Variants in STPG2 observed in about 807,000 individuals in gnomAD.
The protein encoded by STPG2 is sperm tail PG-rich repeat containing 2, also known as sperm-tail PG-rich repeat-containing protein 2.
A neutral mutation model predicts 54.2 loss-of-function variants in STPG2; 56 were observed. That is an observed-to-expected ratio of 1.03 (90% CI 0.83 to 1.29). STPG2 has a LOEUF of 1.29. STPG2 is among the 50% of genes most tolerant of loss of function. STPG2 has a pLI of 0.00. For synonymous variants in STPG2, 200 were observed against 181.8 expected (o/e 1.10, Z -0.81); for missense variants, 596 against 544.9 (o/e 1.09, Z -0.93).
intron 9 of STPG2, among the ~76,000 whole-genome samples, chr4:97,782,081 G>C (rs1726646320): frequency 6.6e-6 from 1 of 152,140 alleles, no homozygotes. Context: ...GTTCTGGCCA[G>C]GGCAATCAGG....
intron 5 of STPG2, among the ~76,000 whole-genome samples, chr4:97,984,074 C>A (rs1011364560): frequency 1.4e-5 from 2 of 147,486 alleles, no homozygotes; most frequent in African/African-American, 5.0e-5. Flanking sequence ...TTGTGATATT[C>A]TAAGATAGTT....
chr4:97,649,827 G>A (rs983695695), intron 10 of STPG2, among the ~76,000 whole-genome samples: 1 of 152,096 alleles, frequency 6.6e-6, no homozygotes, highest in African/African-American at 2.4e-5. Context: ...GACCAGGGGG[G>A]ACGGCATGGT....
intron 9 of STPG2, among the ~76,000 whole-genome samples, chr4:97,746,722 G>A (rs1725429737): frequency 6.6e-6 from 1 of 151,242 alleles, no homozygotes; most frequent in South Asian, 2.1e-4. Flanking sequence ...CACTGTTGCT[G>A]TTAAATAACT....
intron 4 of STPG2, among the ~76,000 whole-genome samples, chr4:97,453,402 A>C (rs528139883): frequency 6.6e-6 from 1 of 152,326 alleles, no homozygotes; most frequent in Admixed American, 6.5e-5. Flanking sequence ...CATGGGATCC[A>C]GGCCAGTAGA....
intron 10 of STPG2, among the ~76,000 whole-genome samples, chr4:97,659,784 C>T (rs921263785): frequency 6.6e-6 from 1 of 152,114 alleles, no homozygotes; most frequent in Non-Finnish European, 1.5e-5. Flanking sequence ...GCCAAGAAAA[C>T]GTTGAGTTGC....
chr4:97,633,019 G>C (rs1461098772), intron 10 of STPG2, among the ~76,000 whole-genome samples: 1 of 152,048 alleles, frequency 6.6e-6, no homozygotes, highest in African/African-American at 2.4e-5. Flanking sequence ...GATAGACAGA[G>C]ATAGATATTT....
At chr4:97,585,101 C>CAA (rs60854805) in intron 10 of STPG2, among the ~76,000 whole-genome samples, 6,676 of 46,230 alleles carry the variant, frequency 0.14, 1,168 homozygotes, top group East Asian at 0.17. Context: ...AAAATATTCT[C>CAA]AAAAAAAAAA....
chr4:97,847,898 G>C (rs928923726), intron 8 of STPG2, among the ~76,000 whole-genome samples: 1 of 152,116 alleles, frequency 6.6e-6, no homozygotes, highest in Admixed American at 6.5e-5. Context: ...TCTCACCTTA[G>C]ACTTTTCTGT....
chr4:98,051,357 T>A lies in STPG2; in HGVS notation c.612+54596A>T, dbSNP rs115862553. ...AATGAAGGTTTTTATGGTTTGAATATGTCCTTCCAATTTTTTCTGCTGAAA... is the reference window on the plus strand; with the variant it reads ...AATGAAGGTTTTTATGGTTTGAATAAGTCCTTCCAATTTTTTCTGCTGAAA... On this transcript the variant is annotated intron_variant, in intron 5 of 10. Transcript: ENST00000295268. Among the ~76,000 whole-genome samples, 638 of 152,288 alleles carry A rather than the reference T, an allele frequency of 4.2e-3. 2 individuals are homozygous for A. The highest frequency in any genetic ancestry group is 0.014 in the Middle Eastern group (4 of 294).
intron 10 of STPG2, among the ~76,000 whole-genome samples, chr4:97,566,542 A>G (rs1468037949): frequency 6.6e-6 from 1 of 152,054 alleles, no homozygotes; most frequent in Non-Finnish European, 1.5e-5. Context: ...TCACGCTGGG[A>G]GCTGTAGACT....
chr4:97,797,243 A>T (rs1168695758), intron 9 of STPG2, among the ~76,000 whole-genome samples: 2 of 152,188 alleles, frequency 1.3e-5, no homozygotes, highest in Admixed American at 1.3e-4. Context: ...GAGTGGTGAG[A>T]GAGGGCATCC....
intron 5 of STPG2, among the ~76,000 whole-genome samples, chr4:98,060,458 G>C (rs1343920623): frequency 2.0e-5 from 3 of 152,124 alleles, no homozygotes; most frequent in African/African-American, 7.2e-5. Context: ...TCACGGATAT[G>C]GAGAATCAAT....
intron 4 of STPG2, among the ~76,000 whole-genome samples, chr4:97,543,123 TA>T (rs1175565542): frequency 2.7e-5 from 4 of 150,910 alleles, no homozygotes; most frequent in Non-Finnish European, 3.0e-5. Context: ...TAAGGTGTAA[TA>T]AAAAATATAT....
chr4:98,041,580 T>C (rs556230574), intron 5 of STPG2, among the ~76,000 whole-genome samples: 13 of 152,096 alleles, frequency 8.5e-5, no homozygotes, highest in South Asian at 2.1e-4. Flanking sequence ...TCTGCATCTA[T>C]TGAGATGATC....
At chr4:97,796,157 T>G (rs1340556268) in intron 9 of STPG2, among the ~76,000 whole-genome samples, 8 of 152,208 alleles carry the variant, frequency 5.3e-5, no homozygotes, top group African/African-American at 1.7e-4. Context: ...GGTTGCCTGT[T>G]CACTCTGATG....
intron 8 of STPG2, among the ~76,000 whole-genome samples, chr4:97,891,140 A>G (rs1730756528): frequency 6.6e-6 from 1 of 152,112 alleles, no homozygotes; most frequent in Non-Finnish European, 1.5e-5. Flanking sequence ...TAGACATACT[A>G]AATTCTGTGC....
intron 10 of STPG2, among the ~76,000 whole-genome samples, chr4:97,622,839 G>T (rs1734046761): frequency 6.6e-6 from 1 of 152,016 alleles, no homozygotes; most frequent in African/African-American, 2.4e-5. Flanking sequence ...GAATAAACCT[G>T]GTGGCATCAC....
chr4:97,915,176 A>G (rs1276309524), intron 8 of STPG2, among the ~76,000 whole-genome samples: 1 of 152,166 alleles, frequency 6.6e-6, no homozygotes, highest in African/African-American at 2.4e-5. Flanking sequence ...GTAACTCACT[A>G]TGGGAAGTAC....
intron 5 of STPG2, among the ~76,000 whole-genome samples, chr4:97,994,002 A>G (rs1385547867): frequency 6.6e-6 from 1 of 151,906 alleles, no homozygotes; most frequent in Non-Finnish European, 1.5e-5. Flanking sequence ...CTCACTAATG[A>G]TCTATTAATT....
Sources: allele counts gnomAD v4.1 joint callset (sites outside exome capture counted in the v4.1 genomes callset), GRCh38; gene constraint gnomAD v4.1.1; transcripts MANE v1.5; gene names NCBI Gene and HGNC (gene_info 2026-07-23, HGNC 2026-07-21).